DHX57: variants seen among roughly 807,000 people sequenced by gnomAD.
DHX57 encodes DExH-box helicase 57, also known as putative ATP-dependent RNA helicase DHX57.
A neutral mutation model predicts 156.2 loss-of-function variants in DHX57; 105 were observed. The ratio of observed to expected loss-of-function variants is 0.67; its 90% CI spans 0.57 to 0.79. DHX57 has a LOEUF of 0.79. DHX57 is among the 30% of genes least tolerant of loss of function. The pLI is 0.00. For missense variants in DHX57, 1,847 were observed against 1,661.9 expected (o/e 1.11, Z -1.94); for synonymous variants, 704 against 595.6 (o/e 1.18, Z -2.65).
At chr2:38,844,863 A>G (rs1261040079) in intron 11 of DHX57, among the ~76,000 whole-genome samples, 1 of 152,142 alleles carries the variant, frequency 6.6e-6, no homozygotes, top group Non-Finnish European at 1.5e-5. Context: ...GAAACTAAAG[A>G]AGGAAGGGAA....
intron 13 of DHX57, among the ~76,000 whole-genome samples, chr2:38,832,591 G>A (rs1057065416): frequency 1.5e-4 from 23 of 150,368 alleles, no homozygotes; most frequent in African/African-American, 5.4e-4. Context: ...TGTTACCCAG[G>A]TTGGAGTGAA....
At chr2:38,821,285 ACTT>A (rs1670801235) in intron 17 of DHX57, among the ~76,000 whole-genome samples, 1 of 152,162 alleles carries the variant, frequency 6.6e-6, no homozygotes, top group African/African-American at 2.4e-5. Flanking sequence ...AAGAAACTAA[ACTT>A]CTACTTTAAG....
intron 11 of DHX57, among the ~76,000 whole-genome samples, chr2:38,846,543 G>A (rs1396618412): frequency 6.6e-6 from 1 of 151,398 alleles, no homozygotes; most frequent in Non-Finnish European, 1.5e-5. Context: ...GCTTGAGCCA[G>A]GTATTCGAGG....
chr2:38,826,043 C>T lies in DHX57; in HGVS notation c.2818G>A (p.Asp940Asn), dbSNP rs756599449. Residue 940 changes from aspartate to asparagine, a missense_variant, in exon 16 of 24, where the codon GAT becomes AAT. Coordinates refer to ENST00000457308, the MANE Select transcript of DHX57 (RefSeq NM_198963.3). ...DSGKMKEKRYDASKGMESLED... is the reference protein window; with the variant it reads ...DSGKMKEKRYNASKGMESLED... The stretch of plus-strand genomic sequence containing the variant: ...AGACTTTCCATCCCTTTGCTGGCAT[C>T]ATATCTATAAAGAAAAAGAAAATAT... 1 of 1,613,326 alleles carries T rather than the reference C, an allele frequency of 6.2e-7. No homozygotes were observed. The highest frequency in any genetic ancestry group is 8.5e-7 in the Non-Finnish European group (1 of 1,179,522).
At chr2:38,811,016 G>C in intron 21 of DHX57, 1 of 713,462 alleles carries the variant, frequency 1.4e-6, no homozygotes, top group Non-Finnish European at 2.5e-6. Flanking sequence ...GAAAATGTTG[G>C]GGGTGTTGGG....
intron 22 of DHX57, among the ~76,000 whole-genome samples, chr2:38,805,563 G>C (rs1669897471): frequency 6.6e-6 from 1 of 152,130 alleles, no homozygotes; most frequent in African/African-American, 2.4e-5. Flanking sequence ...GTGGCAGTGG[G>C]GATAAAAGGC....
chr2:38,806,146 A>G (rs1168391734), intron 22 of DHX57, among the ~76,000 whole-genome samples: 1 of 152,216 alleles, frequency 6.6e-6, no homozygotes, highest in Non-Finnish European at 1.5e-5. Context: ...TTTGACAACT[A>G]AGAAGTTATT....
intron 21 of DHX57, among the ~76,000 whole-genome samples, chr2:38,809,012 C>T (rs1392484079): frequency 6.6e-6 from 1 of 152,024 alleles, no homozygotes; most frequent in Non-Finnish European, 1.5e-5. Context: ...CTAACTGTGG[C>T]CTTGAACTCC....
chr2:38,874,439 T>C (rs1665506469), intron 1 of DHX57, among the ~76,000 whole-genome samples: 1 of 137,188 alleles, frequency 7.3e-6, no homozygotes, highest in Admixed American at 7.5e-5. Context: ...AGACAGAGTC[T>C]CACTCTGTCG....
chr2:38,837,977 G>C (rs747641816), intron 12 of DHX57, 30 bp from the exon 13 acceptor site: 1 of 1,351,920 alleles, frequency 7.4e-7, no homozygotes, highest in Non-Finnish European at 1.1e-6. Context: ...AAATGAGAAG[G>C]ATATTTATAC....
At chr2:38,861,978 C>A (rs1396003494) in intron 4 of DHX57, 141 bp from the exon 5 acceptor site, 15 of 1,222,706 alleles carry the variant, frequency 1.2e-5, no homozygotes, top group Non-Finnish European at 1.6e-5. Flanking sequence ...TCCCTGATAA[C>A]AATAAGCCCC....
chr2:38,845,160 G>A (rs1461742609), intron 11 of DHX57, among the ~76,000 whole-genome samples: 2 of 151,650 alleles, frequency 1.3e-5, no homozygotes, highest in African/African-American at 4.9e-5. Context: ...TAGCACCACT[G>A]CACTCAGCCT....
intron 17 of DHX57, among the ~76,000 whole-genome samples, chr2:38,820,858 A>G (rs1670773270): frequency 6.6e-6 from 1 of 152,064 alleles, no homozygotes; most frequent in Admixed American, 6.6e-5. Flanking sequence ...CAGTAAAAAA[A>G]GATTTTTTTT....
rs774286967 is a variant in DHX57 at position 38,802,883 on chromosome 2, G to T, written c.3849C>A (p.Tyr1283Ter). 1.2e-6 allele frequency: 2 copies of T among 1,613,968 alleles called. No individual in the cohort carries two copies. The highest frequency in any genetic ancestry group is 1.7e-5 in the Admixed American group (1 of 59,964). The change falls in exon 23 of 24, where the codon TAC (tyrosine) becomes TAA (stop). Residue 1283 changes from tyrosine (Y) to a stop codon, truncating the protein, a stop_gained. Transcript: ENST00000457308. LOFTEE classifies it high-confidence loss of function. The stretch of plus-strand genomic sequence containing the variant: ...CTCGACTAGTTTTTATCTTCTCGTG[G>T]TACAACAGGTAGGGGCTGTCAAAGT... ...VRHFDSPYLL[Y>*]HEKIKTSRVF...
At chr2:38,799,786 T>A (rs1397242596) in intron 23 of DHX57, among the ~76,000 whole-genome samples, 2 of 146,090 alleles carry the variant, frequency 1.4e-5, no homozygotes, top group African/African-American at 2.5e-5. Flanking sequence ...CCAGGCTCAG[T>A]GGCTCACGCC....
chr2:38,848,217 AATTAT>A, intron 10 of DHX57, 47 bp downstream of exon 10: 1 of 1,494,310 alleles, frequency 6.7e-7, no homozygotes, highest in Non-Finnish European at 9.0e-7. Flanking sequence ...ACTTTAAAAT[AATTAT>A]ATTTGCTTAT....
At chr2:38,839,705 G>A (rs547948849) in intron 12 of DHX57, among the ~76,000 whole-genome samples, 140 of 149,868 alleles carry the variant, frequency 9.3e-4, no homozygotes, top group African/African-American at 3.3e-3. Context: ...GGGCGACAGA[G>A]CAAGACTCCG....
chr2:38,833,438 C>T (rs1298165918), intron 13 of DHX57, among the ~76,000 whole-genome samples: 1 of 152,048 alleles, frequency 6.6e-6, no homozygotes, highest in African/African-American at 2.4e-5. Flanking sequence ...CCACAGCACC[C>T]GGCCTATTTT....
At chr2:38,855,351 G>T in intron 7 of DHX57, 99 bp from the exon 8 acceptor site, 1 of 1,295,210 alleles carries the variant, frequency 7.7e-7, no homozygotes, top group Non-Finnish European at 1.1e-6. Context: ...AAGCTAATTA[G>T]AATAAAAGTT....
Sources: gnomAD v4.1 joint callset for allele counts (sites outside exome capture counted in the v4.1 genomes callset) on GRCh38, gnomAD v4.1.1 for gene constraint, MANE v1.5 for transcripts, NCBI Gene and HGNC (gene_info 2026-07-23, HGNC 2026-07-21) for gene names.